Variants in NDUFB6 observed in about 807,000 individuals in gnomAD.
NDUFB6 encodes NADH:ubiquinone oxidoreductase subunit B6.
Under a neutral mutation model 17.5 loss-of-function variants are expected in NDUFB6, and 23 were observed. The ratio of observed to expected loss-of-function variants is 1.31; its 90% CI spans 0.94 to 1.86. The LOEUF is 1.86. Among genes scored for constraint, NDUFB6 ranks in the 40% most tolerant of loss-of-function variants. The pLI is 0.00. For missense variants in NDUFB6, 167 were observed against 153.8 expected (o/e 1.09, Z -0.46); for synonymous variants, 60 against 53.5 (o/e 1.12, Z -0.53).
rs1233854163 is a variant in NDUFB6, at chr9:32,558,972, T to A, written c.274-18A>T. ...GGTTTTTCCTGTAATAAAAGTTAAC[T>A]CTGTGTTAATTATGGTGTTAAGAGT... On this transcript the variant is annotated intron_variant, in intron 2 of 3. Coordinates refer to ENST00000379847, the MANE Select transcript of NDUFB6 (RefSeq NM_002493.5). 2 of 1,552,628 alleles carry A rather than the reference T, an allele frequency of 1.3e-6. No individual in the cohort carries two copies. The highest frequency in any genetic ancestry group is 2.3e-5 in the East Asian group (1 of 44,376).
chr9:32,561,348 CAG>C (rs1454813885), intron 2 of NDUFB6, among the ~76,000 whole-genome samples: 2 of 150,886 alleles, frequency 1.3e-5, no homozygotes, highest in African/African-American at 4.9e-5. Context: ...TTTTTTGAGA[CAG>C]AGTCTCGTTA....
At chr9:32,570,896 G>T in intron 2 of NDUFB6, 64 bp downstream of exon 2, 1 of 1,122,178 alleles carries the variant, frequency 8.9e-7, no homozygotes, top group Non-Finnish European at 1.3e-6. Context: ...AGTAGGGTAA[G>T]ATAGCCACAA....
At chr9:32,565,939 T>C (rs1587647596) in intron 2 of NDUFB6, among the ~76,000 whole-genome samples, 1 of 151,642 alleles carries the variant, frequency 6.6e-6, no homozygotes, top group East Asian at 1.9e-4. Context: ...ACTACTACAC[T>C]CCAGCCTGGG....
intron 3 of NDUFB6, among the ~76,000 whole-genome samples, chr9:32,556,846 C>CTTTTT (rs10703297): frequency 7.3e-5 from 6 of 82,340 alleles, no homozygotes; most frequent in Admixed American, 1.7e-4. Context: ...AAATCCCCTA[C>CTTTTT]TTTTTTTTTT....
intron 2 of NDUFB6, among the ~76,000 whole-genome samples, chr9:32,563,596 T>A (rs1309707546): frequency 6.7e-6 from 1 of 148,418 alleles, no homozygotes; most frequent in East Asian, 2.0e-4. Context: ...AGTGTTGGGA[T>A]TACAGGTGTG....
At chr9:32,559,609 C>G (rs1278561292) in intron 2 of NDUFB6, among the ~76,000 whole-genome samples, 1 of 152,144 alleles carries the variant, frequency 6.6e-6, no homozygotes, top group Non-Finnish European at 1.5e-5. Context: ...ATTCCTCTAC[C>G]TGAAATGCTC....
intron 3 of NDUFB6, among the ~76,000 whole-genome samples, chr9:32,558,407 G>A (rs1821532502): frequency 6.6e-6 from 1 of 152,132 alleles, no homozygotes; most frequent in Non-Finnish European, 1.5e-5. Context: ...CACTGTGCCT[G>A]GCCCATAGTA....
At chr9:32,565,322 A>T (rs1821751980) in intron 2 of NDUFB6, 1 of 152,202 alleles carries the variant, frequency 6.6e-6, no homozygotes, top group African/African-American at 2.4e-5. Context: ...TTCAGCAGTG[A>T]ATGTCCTTTT....
At chr9:32,566,049 T>C in intron 2 of NDUFB6, 1 of 374,976 alleles carries the variant, frequency 2.7e-6, no homozygotes, top group Non-Finnish European at 4.8e-6. Context: ...TAAGGTTTTT[T>C]CCAGGAGCTA....
chr9:32,563,491 C>CTTTTTTTT (rs111646430), intron 2 of NDUFB6, among the ~76,000 whole-genome samples: 3 of 92,004 alleles, frequency 3.3e-5, no homozygotes, highest in Non-Finnish European at 6.6e-5. Context: ...GACTATTGGG[C>CTTTTTTTT]TTTTTTTTTT....
In NDUFB6 at chr9:32,553,844, G is replaced by T. The variant is rs1440096576; in HGVS notation, c.*32C>A. ...TATGGTAATATAGGAACAAACTTAG[G>T]CTCATAAGCCTTTTAACTTTTTACA... On this transcript the variant is annotated 3_prime_UTR_variant, in exon 4 of 4. Transcript: ENST00000379847. 1.4e-6 allele frequency: 2 copies of T among 1,389,906 alleles called. No homozygotes were observed. The highest frequency in any genetic ancestry group is 2.0e-6 in the Non-Finnish European group (2 of 983,838). 86.1% of individuals were successfully genotyped at this position (1,389,906 alleles called of 1,614,324 possible).
At chr9:32,554,486 C>A (rs2118995461) in intron 3 of NDUFB6, among the ~76,000 whole-genome samples, 1 of 152,292 alleles carries the variant, frequency 6.6e-6, no homozygotes, top group African/African-American at 2.4e-5. Flanking sequence ...CTTGGAACCT[C>A]CACTGACAAG....
intron 2 of NDUFB6, among the ~76,000 whole-genome samples, chr9:32,569,107 GATCA>G (rs1821885812): frequency 6.6e-6 from 1 of 152,022 alleles, no homozygotes; most frequent in African/African-American, 2.4e-5. Context: ...CCATCACCCT[GATCA>G]GTCAGCAGTT....
intron 2 of NDUFB6, among the ~76,000 whole-genome samples, chr9:32,563,449 GATC>G (rs1563994907): frequency 1.4e-5 from 2 of 147,216 alleles, no homozygotes; most frequent in African/African-American, 5.1e-5. Context: ...GGGCTCAAGC[GATC>G]CTCCTGCTTC....
At chr9:32,571,990 T>C (rs1821949836) in intron 1 of NDUFB6, among the ~76,000 whole-genome samples, 1 of 152,258 alleles carries the variant, frequency 6.6e-6, no homozygotes. Context: ...ATTCAATTCC[T>C]AGCTCCCTGA....
In NDUFB6 at chr9:32,566,869, C is replaced by T. The variant is rs1461208680; in HGVS notation, c.273+4091G>A. 4.5e-6 allele frequency: 3 copies of T among 661,586 alleles called. No homozygotes were observed. The African/African-American group carries it at 8.2e-5, about 18-fold the overall frequency. The allele number at this position is 661,586 out of a possible 1,614,324, so 41.0% of individuals were successfully genotyped here. A position where few individuals can be genotyped will look rare whatever the true frequency, so the allele number is the denominator to read the frequency against. On this transcript the variant is annotated intron_variant, in intron 2 of 3. Transcript: ENST00000379847. ...TAGCTGCCGGGCGGCCTGGATGAGC[C>T]ACGCGTGCGGCTGGCGAAAAGCACT...
intron 2 of NDUFB6, chr9:32,566,027 G>A (rs938468571): frequency 1.8e-5 from 6 of 330,900 alleles, no homozygotes; most frequent in African/African-American, 4.2e-5. Context: ...CAGATTTGCC[G>A]GAAATATTTT....
intron 2 of NDUFB6, chr9:32,566,786 G>C (rs1331909383): frequency 1.1e-6 from 1 of 914,090 alleles, no homozygotes; most frequent in Non-Finnish European, 1.8e-6. Context: ...TCTGGCTGAC[G>C]TTGTACAGGA....
Position 32,553,670 on chromosome 9 carries a change from AGTAG to A in NDUFB6, c.*202_*205del. On this transcript the variant is annotated 3_prime_UTR_variant, in exon 4 of 4. Coordinates refer to ENST00000379847, the MANE Select transcript of NDUFB6 (RefSeq NM_002493.5). ...TTCCAAGTCAAGAATGACCAGAAAAAGTAGGTAGTCTCTCATATTTGTTTAGCAT... is the reference window on the plus strand; with the variant it reads ...TTCCAAGTCAAGAATGACCAGAAAAAGTAGTCTCTCATATTTGTTTAGCAT... 4 of 514,722 alleles carry A rather than the reference AGTAG, an allele frequency of 7.8e-6. No homozygotes were observed. Among genetic ancestry groups the A allele is most frequent in the Non-Finnish European group, 1.4e-5 (4 of 289,144 alleles). 31.9% of individuals were successfully genotyped at this position (514,722 alleles called of 1,614,324 possible).
Sources: gnomAD v4.1 joint callset for allele counts (sites outside exome capture counted in the v4.1 genomes callset) on GRCh38, gnomAD v4.1.1 for gene constraint, MANE v1.5 for transcripts, NCBI Gene and HGNC (gene_info 2026-07-23, HGNC 2026-07-21) for gene names.